Variants in MEI4 observed in about 807,000 individuals in gnomAD.
MEI4 encodes meiotic double-stranded break formation protein 4.
In MEI4, 27 loss-of-function variants were observed where a neutral mutation model predicts 31.4. That is an observed-to-expected ratio of 0.86 (90% CI 0.63 to 1.19). The LOEUF is 1.19. MEI4 is among the 50% of genes most tolerant of loss of function. The pLI is 0.00. For missense variants in MEI4, 329 were observed against 398.9 expected (o/e 0.82, Z 1.49); for synonymous variants, 122 against 145.4 (o/e 0.84, Z 1.16).
intron 4 of MEI4, among the ~76,000 whole-genome samples, chr6:77,905,368 C>T (rs1459233707): frequency 6.6e-6 from 1 of 151,056 alleles, no homozygotes; most frequent in Admixed American, 6.6e-5. Context: ...GAATCCATGG[C>T]TATAATATGT....
chr6:77,715,023 C>CT (rs1205772217), intron 2 of MEI4, among the ~76,000 whole-genome samples: 1 of 152,134 alleles, frequency 6.6e-6, no homozygotes, highest in East Asian at 1.9e-4. Context: ...CACTTGAGTC[C>CT]TTTTAGTCTT....
chr6:77,747,777 A>G (rs1053068315), intron 2 of MEI4, among the ~76,000 whole-genome samples: 3 of 152,218 alleles, frequency 2.0e-5, no homozygotes, highest in Non-Finnish European at 4.4e-5. Context: ...TTACTAAAAA[A>G]TTCACAGTCC....
intron 4 of MEI4, among the ~76,000 whole-genome samples, chr6:77,887,586 C>G (rs772116652): frequency 1.3e-5 from 2 of 152,120 alleles, no homozygotes; most frequent in African/African-American, 4.8e-5. Flanking sequence ...CGACAGCCAC[C>G]GCACCCGGCC....
intron 3 of MEI4, among the ~76,000 whole-genome samples, chr6:77,825,937 T>A (rs551811918): frequency 2.3e-4 from 35 of 152,344 alleles, no homozygotes; most frequent in Admixed American, 1.6e-3. Context: ...GCATGCAGTT[T>A]ATTCATCCAT....
intron 4 of MEI4, among the ~76,000 whole-genome samples, chr6:77,892,460 G>A (rs1328049714): frequency 7.2e-5 from 11 of 152,100 alleles, no homozygotes; most frequent in African/African-American, 1.2e-4. Context: ...CAGATGGCAT[G>A]CTCAGACCTT....
intron 2 of MEI4, among the ~76,000 whole-genome samples, chr6:77,758,278 A>G (rs1767962798): frequency 6.6e-6 from 1 of 151,938 alleles, no homozygotes; most frequent in African/African-American, 2.4e-5. Context: ...TCTCCTTTTA[A>G]TTATCTCCTT....
At chr6:77,866,345 C>T (rs1245639810) in intron 4 of MEI4, among the ~76,000 whole-genome samples, 1 of 152,056 alleles carries the variant, frequency 6.6e-6, no homozygotes, top group Non-Finnish European at 1.5e-5. Context: ...TGTCTCAGCC[C>T]AAAATCTCCT....
chr6:77,772,000 A>G (rs1033357884), intron 3 of MEI4, among the ~76,000 whole-genome samples: 3 of 151,988 alleles, frequency 2.0e-5, no homozygotes, highest in Non-Finnish European at 4.4e-5. Context: ...TTATTATTTT[A>G]TACATCATTC....
chr6:77,746,506 T>G (rs1382268503), intron 2 of MEI4, among the ~76,000 whole-genome samples: 1 of 152,110 alleles, frequency 6.6e-6, no homozygotes, highest in Non-Finnish European at 1.5e-5. Context: ...TCTTGGGTCT[T>G]AAGTCTGCCA....
chr6:77,673,949 A>G (rs1768793763), intron 1 of MEI4, among the ~76,000 whole-genome samples: 1 of 152,224 alleles, frequency 6.6e-6, no homozygotes. Context: ...ATCTGAAAAC[A>G]TAATTTATTG....
At chr6:77,885,845 G>T (rs1317632484) in intron 4 of MEI4, among the ~76,000 whole-genome samples, 1 of 152,004 alleles carries the variant, frequency 6.6e-6, no homozygotes, top group Admixed American at 6.6e-5. Context: ...TGTTCCTTCT[G>T]TGCCTACTTT....
At chr6:77,855,021 A>G (rs1230698738) in intron 4 of MEI4, among the ~76,000 whole-genome samples, 3 of 152,026 alleles carry the variant, frequency 2.0e-5, no homozygotes. Flanking sequence ...GTATGTAGAA[A>G]TTGTGCTAGA....
intron 4 of MEI4, among the ~76,000 whole-genome samples, chr6:77,900,314 G>A: frequency 6.6e-6 from 1 of 151,858 alleles, no homozygotes; most frequent in East Asian, 1.9e-4. Flanking sequence ...TCTACCATAT[G>A]TTCCAACAAT....
chr6:77,753,542 C>T (rs962381278), intron 2 of MEI4, among the ~76,000 whole-genome samples: 5 of 152,130 alleles, frequency 3.3e-5, no homozygotes, highest in African/African-American at 1.2e-4. Context: ...AAATCAAAAC[C>T]ACAATGAGAT....
rs1370903934 is a variant in MEI4, at chr6:77,926,460, A to G, written c.*3114A>G. 6.6e-6 allele frequency: 1 copy of G among 151,910 alleles called. No homozygotes were observed. Among genetic ancestry groups the G allele is most frequent in the Non-Finnish European group, 1.5e-5 (1 of 67,942 alleles). The allele number at this position is 151,910 out of a possible 1,614,324, so 9.4% of individuals were successfully genotyped here. A position where few individuals can be genotyped will look rare whatever the true frequency, so the allele number is the denominator to read the frequency against. On this transcript the variant is annotated 3_prime_UTR_variant, in exon 5 of 5. Coordinates refer to ENST00000684080, the MANE Select transcript of MEI4 (RefSeq NM_001322247.2). ...ATGATAAGCAAAATGGGGAGAGAAA[A>G]CAAATCTGACTGGTTTGTTCTTGGA...
At chr6:77,744,178 A>G (rs906171114) in intron 2 of MEI4, among the ~76,000 whole-genome samples, 1 of 152,194 alleles carries the variant, frequency 6.6e-6, no homozygotes, top group Non-Finnish European at 1.5e-5. Context: ...TCCGAGCTAC[A>G]GGAGGAAATT....
chr6:77,706,040 G>A (rs1476710111), intron 2 of MEI4, among the ~76,000 whole-genome samples: 1 of 152,108 alleles, frequency 6.6e-6, no homozygotes, highest in Non-Finnish European at 1.5e-5. Context: ...CAGAAGCAAA[G>A]TCCCTTTCTG....
At chr6:77,829,166 G>A in intron 4 of MEI4, 104 bp downstream of exon 4, 1 of 841,386 alleles carries the variant, frequency 1.2e-6, no homozygotes, top group African/African-American at 1.8e-5. Flanking sequence ...TGATGTTTTA[G>A]TTATTACCTT....
chr6:77,704,406 A>T (rs1766287730), intron 2 of MEI4, among the ~76,000 whole-genome samples: 1 of 152,182 alleles, frequency 6.6e-6, no homozygotes, highest in South Asian at 2.1e-4. Flanking sequence ...ATAGATAAGG[A>T]AATGAGGAAA....
Sources: gnomAD v4.1 joint callset for allele counts (sites outside exome capture counted in the v4.1 genomes callset) on GRCh38, gnomAD v4.1.1 for gene constraint, MANE v1.5 for transcripts, NCBI Gene and HGNC (gene_info 2026-07-23, HGNC 2026-07-21) for gene names.